Variants in NELL1 observed in about 807,000 individuals in gnomAD.
NELL1 encodes the protein neural EGFL like 1.
NELL1 carries 76 observed loss-of-function variants against 107.4 expected under a neutral mutation model. The observed-to-expected ratio is 0.71, with a 90% CI of 0.59 to 0.86. NELL1 has a LOEUF of 0.86. Ranked by LOEUF, NELL1 falls within the 40% of genes least tolerant of loss-of-function variation. NELL1 has a pLI of 0.00. For synonymous variants in NELL1, 353 were observed against 341.2 expected, an observed-to-expected ratio of 1.03 and a Z score of -0.38; for missense variants, 1,024 against 1,005.5, an observed-to-expected ratio of 1.02 and a Z score of -0.25.
intron 14 of NELL1, among the ~76,000 whole-genome samples, chr11:21,256,051 C>A (rs1858760019): frequency 6.6e-6 from 1 of 152,012 alleles, no homozygotes; most frequent in Non-Finnish European, 1.5e-5. Flanking sequence ...TCTCCCCTCC[C>A]AGGCTGTGAT....
chr11:20,699,982 A>C (rs1854731058), intron 2 of NELL1, among the ~76,000 whole-genome samples: 1 of 152,104 alleles, frequency 6.6e-6, no homozygotes, highest in South Asian at 2.1e-4. Context: ...TTCTTGCAGG[A>C]GTAAGGTGGT....
intron 13 of NELL1, among the ~76,000 whole-genome samples, chr11:21,184,824 A>T (rs1234353267): frequency 6.6e-6 from 1 of 151,882 alleles, no homozygotes; most frequent in Admixed American, 6.6e-5. Flanking sequence ...TGAAATGGAA[A>T]GTTTGAAGCC....
chr11:20,771,872 G>A (rs904421258), intron 2 of NELL1, among the ~76,000 whole-genome samples: 7 of 152,124 alleles, frequency 4.6e-5, no homozygotes, highest in African/African-American at 1.2e-4. Flanking sequence ...CCATTAAACC[G>A]AAACAATAAT....
intron 2 of NELL1, among the ~76,000 whole-genome samples, chr11:20,702,214 A>C (rs917610503): frequency 1.3e-5 from 2 of 152,104 alleles, no homozygotes; most frequent in Admixed American, 6.5e-5. Flanking sequence ...CTCCTTGAAG[A>C]GGTCCTTCAC....
intron 16 of NELL1, among the ~76,000 whole-genome samples, chr11:21,537,944 G>C (rs956928136): frequency 1.1e-4 from 16 of 152,088 alleles, no homozygotes; most frequent in African/African-American, 3.9e-4. Flanking sequence ...TGGGAATATG[G>C]TTATGAACAA....
At position 21,077,525 on chromosome 11, in the gene NELL1, T is replaced by C. The variant is rs560345561; in HGVS notation, c.1301-36064T>C. On this transcript the variant is annotated intron_variant, in intron 12 of 19. Coordinates refer to ENST00000357134, the MANE Select transcript of NELL1 (RefSeq NM_006157.5). ...TGGGAGGGCGAGGCAGGTGGATCAC[T>C]TGAGGTCAGGAGTTCGAGACCAGCC... Among the ~76,000 whole-genome samples, 5 of 152,122 alleles carry C rather than the reference T, an allele frequency of 3.3e-5. No individual in the cohort carries two copies. The South Asian group carries it at 8.3e-4, about 25-fold the overall frequency.
chr11:21,261,501 AG>A, intron 14 of NELL1, among the ~76,000 whole-genome samples: 1 of 151,770 alleles, frequency 6.6e-6, no homozygotes, highest in Non-Finnish European at 1.5e-5. Flanking sequence ...ATGTTGAGCT[AG>A]GCACTGTTCA....
Position 20,725,408 on chromosome 11 carries a change from G to A in NELL1, c.184+47348G>A, listed in dbSNP as rs76124371. ...TGAGGAACCATCAGAGCAGGCATGT[G>A]AGCAACAGGAGTATCTGAGTACAGT... On this transcript the variant is annotated intron_variant, in intron 2 of 19. Coordinates refer to ENST00000357134, the MANE Select transcript of NELL1 (RefSeq NM_006157.5). 5.5e-3 allele frequency among the ~76,000 whole-genome samples: 841 copies of A among 152,308 alleles called. 54 individuals carry two copies. The East Asian group carries it at 0.14, about 25-fold the overall frequency.
chr11:20,980,344 C>G (rs756061723), intron 12 of NELL1, among the ~76,000 whole-genome samples: 16 of 152,078 alleles, frequency 1.1e-4, no homozygotes, highest in Non-Finnish European at 2.2e-4. Flanking sequence ...CATATAGATT[C>G]CAGAAGAATT....
intron 2 of NELL1, among the ~76,000 whole-genome samples, chr11:20,766,408 G>A: frequency 6.6e-6 from 1 of 152,214 alleles, no homozygotes; most frequent in Non-Finnish European, 1.5e-5. Flanking sequence ...ACACAAGGTG[G>A]TTGGCATTCA....
intron 15 of NELL1, among the ~76,000 whole-genome samples, chr11:21,453,777 G>T (rs564871950): frequency 1.3e-4 from 19 of 142,520 alleles, no homozygotes; most frequent in African/African-American, 4.9e-4. Context: ...CTATTAGCTT[G>T]TTAGCTATAA....
chr11:21,264,039 T>G (rs1316938352), intron 14 of NELL1, among the ~76,000 whole-genome samples: 7 of 147,526 alleles, frequency 4.7e-5, no homozygotes, highest in African/African-American at 7.5e-5. Flanking sequence ...AATTACCAGC[T>G]TCTCTGTTAG....
At chr11:20,895,990 A>T (rs1652240) in intron 5 of NELL1, among the ~76,000 whole-genome samples, 61 of 151,870 alleles carry the variant, frequency 4.0e-4, no homozygotes, top group African/African-American at 1.4e-3. Context: ...TTATATTTTT[A>T]AAAAAATTTC....
chr11:20,829,816 G>C (rs1857967978), intron 3 of NELL1, among the ~76,000 whole-genome samples: 1 of 151,764 alleles, frequency 6.6e-6, no homozygotes, highest in Non-Finnish European at 1.5e-5. Context: ...GGATACCATA[G>C]AAATGATGTT....
At chr11:20,796,559 C>A (rs75283289) in intron 3 of NELL1, among the ~76,000 whole-genome samples, 3 of 152,174 alleles carry the variant, frequency 2.0e-5, no homozygotes, top group Admixed American at 6.5e-5. Context: ...AAAAATCTAT[C>A]CTGCTTTTGA....
chr11:20,746,060 G>A (rs552810374), intron 2 of NELL1, among the ~76,000 whole-genome samples: 1 of 150,108 alleles, frequency 6.7e-6, no homozygotes, highest in Non-Finnish European at 1.5e-5. Flanking sequence ...TATTTAAAAG[G>A]GGGGAAACTG....
chr11:20,877,982 C>T (rs1590372670), intron 4 of NELL1, among the ~76,000 whole-genome samples: 1 of 152,262 alleles, frequency 6.6e-6, no homozygotes, highest in East Asian at 1.9e-4. Context: ...GCGTTGTTTG[C>T]ATCTGATAGC....
chr11:21,574,789 C>T (rs1218466243), intron 19 of NELL1, among the ~76,000 whole-genome samples, 183 bp from the exon 20 acceptor site: 2 of 151,818 alleles, frequency 1.3e-5, no homozygotes, highest in Non-Finnish European at 2.9e-5. Flanking sequence ...GAGGGTCTGT[C>T]AGTCCTTCCT....
chr11:21,484,405 G>A (rs997283099), intron 15 of NELL1, among the ~76,000 whole-genome samples: 5 of 151,266 alleles, frequency 3.3e-5, no homozygotes, highest in African/African-American at 1.2e-4. Flanking sequence ...ATTGCTTTAT[G>A]GTGCTCAACT....
Sources: gnomAD v4.1 joint callset for allele counts (sites outside exome capture counted in the v4.1 genomes callset) on GRCh38, gnomAD v4.1.1 for gene constraint, MANE v1.5 for transcripts, NCBI Gene and HGNC (gene_info 2026-07-23, HGNC 2026-07-21) for gene names.